CHN2: variants seen among roughly 807,000 people sequenced by gnomAD.
CHN2 encodes the protein chimerin 2.
CHN2 carries 35 observed loss-of-function variants against 56.3 expected under a neutral mutation model. The ratio of observed to expected loss-of-function variants is 0.62; its 90% CI spans 0.47 to 0.82. The LOEUF (loss-of-function observed/expected upper bound fraction) is 0.82, where lower values mean the gene tolerates loss of function less well. Ranked by LOEUF, CHN2 falls within the 40% of genes least tolerant of loss-of-function variation. CHN2 has a pLI of 0.00. For missense variants in CHN2, 491 were observed against 580.5 expected, an observed-to-expected ratio of 0.85 and a Z score of 1.58; for synonymous variants, 210 against 212.8, an observed-to-expected ratio of 0.99 and a Z score of 0.12.
At chr7:29,217,219 G>T (rs1785411982) in intron 1 of CHN2, among the ~76,000 whole-genome samples, 1 of 152,184 alleles carries the variant, frequency 6.6e-6, no homozygotes, top group African/African-American at 2.4e-5. Flanking sequence ...ATTATCTCAG[G>T]CTGTGCCTTG....
chr7:29,246,801 C>G (rs1159939848), intron 1 of CHN2, among the ~76,000 whole-genome samples: 1 of 152,156 alleles, frequency 6.6e-6, no homozygotes, highest in African/African-American at 2.4e-5. Flanking sequence ...TCACTGTGCC[C>G]GCACATGGTG....
chr7:29,493,322 C>A (rs1208036640), intron 7 of CHN2, among the ~76,000 whole-genome samples: 1 of 152,060 alleles, frequency 6.6e-6, no homozygotes, highest in Non-Finnish European at 1.5e-5. Flanking sequence ...TGATGATCCC[C>A]CTCAATGATG....
intron 4 of CHN2, among the ~76,000 whole-genome samples, chr7:29,395,344 A>G (rs1235485555): frequency 2.0e-5 from 3 of 152,096 alleles, no homozygotes; most frequent in African/African-American, 7.2e-5. Flanking sequence ...GCAACATGGG[A>G]AGACCTCATC....
At chr7:29,443,039 C>A (rs1011869417) in intron 6 of CHN2, among the ~76,000 whole-genome samples, 2 of 148,298 alleles carry the variant, frequency 1.3e-5, no homozygotes, top group African/African-American at 5.1e-5. Context: ...TTCCCGGGTT[C>A]ACGCCATTCT....
intron 1 of CHN2, among the ~76,000 whole-genome samples, chr7:29,321,264 A>G (rs1401058685): frequency 6.6e-6 from 1 of 152,212 alleles, no homozygotes. Context: ...GATTTGTTTC[A>G]GCCACCATGC....
At chr7:29,297,015 G>A (rs1250306219) in intron 1 of CHN2, among the ~76,000 whole-genome samples, 4 of 152,140 alleles carry the variant, frequency 2.6e-5, no homozygotes, top group Non-Finnish European at 4.4e-5. Flanking sequence ...AACGTTGTAG[G>A]ACATTCTTCT....
chr7:29,475,009 A>G (rs1173637309), intron 6 of CHN2, among the ~76,000 whole-genome samples: 1 of 152,050 alleles, frequency 6.6e-6, no homozygotes, highest in Non-Finnish European at 1.5e-5. Context: ...TCTTTCTTCT[A>G]CCATTCCTTT....
intron 1 of CHN2, among the ~76,000 whole-genome samples, chr7:29,250,957 G>A (rs1402832194): frequency 2.0e-5 from 3 of 152,040 alleles, no homozygotes; most frequent in East Asian, 1.9e-4. Flanking sequence ...TGATCCACCC[G>A]CCTCAGCCTC....
At chr7:29,256,243 C>T (rs1052439690) in intron 1 of CHN2, among the ~76,000 whole-genome samples, 20 of 152,110 alleles carry the variant, frequency 1.3e-4, no homozygotes, top group African/African-American at 4.8e-4. Flanking sequence ...AGACATATGC[C>T]CTCAAGCCCC....
chr7:29,228,695 T>C (rs760981185), intron 1 of CHN2, among the ~76,000 whole-genome samples: 6 of 152,216 alleles, frequency 3.9e-5, no homozygotes, highest in Non-Finnish European at 7.3e-5. Context: ...CAAAACCTCA[T>C]TGGGCAATAT....
chr7:29,286,462 G>A (rs1359449076), intron 1 of CHN2, among the ~76,000 whole-genome samples: 1 of 152,108 alleles, frequency 6.6e-6, no homozygotes, highest in African/African-American at 2.4e-5. Context: ...TGGGGAGGGA[G>A]ATGAAGGGAC....
chr7:29,272,189 C>T (rs533408674), intron 1 of CHN2, among the ~76,000 whole-genome samples: 7 of 152,224 alleles, frequency 4.6e-5, no homozygotes, highest in Admixed American at 2.0e-4. Context: ...ACACGGAGTC[C>T]GCCACGGTCT....
At chr7:29,263,942 C>T (rs1311145741) in intron 1 of CHN2, among the ~76,000 whole-genome samples, 10 of 147,304 alleles carry the variant, frequency 6.8e-5, no homozygotes, top group South Asian at 2.1e-4. Flanking sequence ...GGGCAGCCCC[C>T]GCCCGGCCAG....
chr7:29,348,435 T>G (rs1013771237), intron 1 of CHN2, among the ~76,000 whole-genome samples: 25 of 152,324 alleles, frequency 1.6e-4, no homozygotes, highest in Non-Finnish European at 7.4e-5. Flanking sequence ...TTCAACGGTC[T>G]TATTACCCAT....
intron 1 of CHN2, among the ~76,000 whole-genome samples, chr7:29,200,301 C>T (rs1784046802): frequency 1.3e-5 from 2 of 151,252 alleles, no homozygotes; most frequent in Admixed American, 1.3e-4. Context: ...CCCCCTCCTT[C>T]CCTCTCTTCT....
intron 2 of CHN2, among the ~76,000 whole-genome samples, chr7:29,357,064 A>G (rs1798371640): frequency 6.6e-6 from 1 of 152,222 alleles, no homozygotes; most frequent in Admixed American, 6.5e-5. Context: ...ACCCAGTAAC[A>G]TCTCTTAAAA....
At chr7:29,482,743 C>A (rs1274798799) in intron 7 of CHN2, among the ~76,000 whole-genome samples, 2 of 144,256 alleles carry the variant, frequency 1.4e-5, no homozygotes, top group Admixed American at 7.0e-5. Context: ...CAAATAATCA[C>A]ATTTTCATGC....
intron 6 of CHN2, among the ~76,000 whole-genome samples, chr7:29,417,772 TA>T (rs1466847369): frequency 1.3e-5 from 2 of 152,174 alleles, no homozygotes; most frequent in South Asian, 2.1e-4. Flanking sequence ...GCTTGCAGTT[TA>T]TATGCTCTGG....
At chr7:29,392,302 A>G (rs1167052398) in intron 3 of CHN2, among the ~76,000 whole-genome samples, 6 of 152,250 alleles carry the variant, frequency 3.9e-5, no homozygotes, top group Admixed American at 2.0e-4. Flanking sequence ...AACATATTCA[A>G]TTCTCATTAA....
Sources: gnomAD v4.1 joint callset for allele counts (sites outside exome capture counted in the v4.1 genomes callset) on GRCh38, gnomAD v4.1.1 for gene constraint, MANE v1.5 for transcripts, NCBI Gene and HGNC (gene_info 2026-07-23, HGNC 2026-07-21) for gene names.